Variants in CDKL4 observed in about 807,000 individuals in gnomAD.
The protein encoded by CDKL4 is cyclin-dependent kinase-like 4.
A neutral mutation model predicts 42.0 loss-of-function variants in CDKL4; 44 were observed. The observed-to-expected ratio is 1.05, with a 90% CI of 0.82 to 1.35. CDKL4 has a LOEUF of 1.35. Ranked by LOEUF, CDKL4 falls within the 40% of genes most tolerant of loss-of-function variation. The probability of loss-of-function intolerance (pLI) is 0.00; values close to 1 mark genes in which losing one functional copy is unlikely to be tolerated. For missense variants in CDKL4, 393 were observed against 369.9 expected (o/e 1.06, Z -0.51); for synonymous variants, 120 against 121.6 (o/e 0.99, Z 0.09).
At chr2:39,239,653 A>G (rs1409388576) in intron 1 of CDKL4, among the ~76,000 whole-genome samples, 1 of 152,260 alleles carries the variant, frequency 6.6e-6, no homozygotes, top group Non-Finnish European at 1.5e-5. Context: ...ATAAGATAGC[A>G]TTACATACAC....
At chr2:39,203,144 C>T (rs1430408107) in intron 5 of CDKL4, among the ~76,000 whole-genome samples, 6 of 151,862 alleles carry the variant, frequency 4.0e-5, no homozygotes, top group Non-Finnish European at 8.8e-5. Flanking sequence ...ATGTTTGCTA[C>T]AGGAAAACTC....
chr2:39,193,381 A>ATTC (rs1676312651), intron 5 of CDKL4, among the ~76,000 whole-genome samples: 2 of 149,626 alleles, frequency 1.3e-5, no homozygotes, highest in South Asian at 4.2e-4. Flanking sequence ...TATTATTATT[A>ATTC]TTATTGTTTT....
At chr2:39,173,812 CAAAAA>C (rs548800502), downstream of CDKL4, among the ~76,000 whole-genome samples, 4 of 95,292 alleles carry the variant, frequency 4.2e-5, no homozygotes, top group Non-Finnish European at 8.4e-5. Flanking sequence ...GACTCCATCT[CAAAAA>C]AAAAAAAAAA....
chr2:39,191,026 G>A (rs1055521618), intron 5 of CDKL4, among the ~76,000 whole-genome samples: 2 of 152,178 alleles, frequency 1.3e-5, no homozygotes, highest in Non-Finnish European at 2.9e-5. Context: ...CATGGAGAAT[G>A]CCAAGCGATA....
At chr2:39,179,112 T>A in intron 9 of CDKL4, 75 bp downstream of exon 9, 1 of 1,552,112 alleles carries the variant, frequency 6.4e-7, no homozygotes, top group Non-Finnish European at 8.6e-7. Context: ...CCACCTTGTC[T>A]CACTTTGAAA....
chr2:39,218,447 C>T (rs1678082787), intron 3 of CDKL4, among the ~76,000 whole-genome samples: 1 of 152,112 alleles, frequency 6.6e-6, no homozygotes, highest in Non-Finnish European at 1.5e-5. Flanking sequence ...TGCAGTGAGC[C>T]ATGTTCAGGC....
intron 1 of CDKL4, among the ~76,000 whole-genome samples, chr2:39,234,897 T>C (rs1453929252): frequency 6.6e-6 from 1 of 152,108 alleles, no homozygotes; most frequent in Admixed American, 6.6e-5. Context: ...AAAAATTTTT[T>C]TTTTTTTTTG....
At chr2:39,216,638 T>A (rs1394156209) in intron 3 of CDKL4, among the ~76,000 whole-genome samples, 1 of 152,060 alleles carries the variant, frequency 6.6e-6, no homozygotes, top group Non-Finnish European at 1.5e-5. Context: ...GGGAAATGGA[T>A]TTCAGTCCTT....
rs1371530301 is a variant in CDKL4 at position 39,190,402 on chromosome 2, C to T, written c.555G>A (p.Trp185Ter). The stretch of plus-strand genomic sequence containing the variant: ...GCTCTGCAAAAACACAACCAATAGC[C>T]CATATATCGACTGAAGAACCATACT... Residue 185 changes from tryptophan to a stop codon, truncating the protein, a stop_gained, in exon 6 of 10, where the codon TGG becomes TGA. Transcript: ENST00000451199. LOFTEE classifies it high-confidence loss of function. 1.2e-6 allele frequency: 2 copies of T among 1,614,006 alleles called. No individual in the cohort carries two copies. Among genetic ancestry groups the T allele is most frequent in the Non-Finnish European group, 1.7e-6 (2 of 1,179,996 alleles).
rs1181485240 is a variant in CDKL4 at position 39,185,191 on chromosome 2, CATATAT to C, written c.736-550_736-545del. Among the ~76,000 whole-genome samples, 4 of 76,354 alleles carry C rather than the reference CATATAT, an allele frequency of 5.2e-5. No individual in the cohort carries two copies. In the East Asian group the frequency reaches 1.4e-3, roughly 27 times the overall value. The allele number at this position is 76,354 out of a possible 152,430, so 50.1% of individuals were successfully genotyped here. On this transcript the variant is annotated intron_variant, in intron 7 of 9. Coordinates refer to ENST00000451199, the Ensembl canonical transcript of CDKL4. ...GTATATATATACATATGTGTATATACATATATATACACATACGTATATATACATATA... is the reference window on the plus strand; with the variant it reads ...GTATATATATACATATGTGTATATACATACACATACGTATATATACATATA...
chr2:39,184,321 C>T (rs930250328), intron 8 of CDKL4, among the ~76,000 whole-genome samples: 10 of 152,154 alleles, frequency 6.6e-5, no homozygotes, highest in Non-Finnish European at 1.3e-4. Flanking sequence ...CTTGGTTTGG[C>T]GTCTCTCTTG....
chr2:39,171,022 T>C (rs1428740114), downstream of CDKL4, among the ~76,000 whole-genome samples: 1 of 151,850 alleles, frequency 6.6e-6, no homozygotes, highest in Non-Finnish European at 1.5e-5. Context: ...GTGGATCACT[T>C]GAGGTGAGGA....
At chr2:39,173,912 G>T (rs1675068924), downstream of CDKL4, among the ~76,000 whole-genome samples, 1 of 151,998 alleles carries the variant, frequency 6.6e-6, no homozygotes, top group Admixed American at 6.6e-5. Flanking sequence ...GAGCCCAGGA[G>T]GTCGAGGGTG....
rs541682774 is a variant in CDKL4 at position 39,202,331 on chromosome 2, T to C, written c.454+2196A>G. Among the ~76,000 whole-genome samples the C allele has an allele frequency of 5.9e-5, 9 of 152,332 alleles. No homozygotes were observed. The South Asian group carries it at 1.0e-3, about 18-fold the overall frequency. ...ACACCACCTGTTCCCCAAAAACCTA[T>C]TGAAATAAAACAACAAAAAAGAAAT... On this transcript the variant is annotated intron_variant, in intron 5 of 9. Transcript: ENST00000451199.
intron 5 of CDKL4, among the ~76,000 whole-genome samples, chr2:39,192,539 A>AT (rs749845888): frequency 0.017 from 2,507 of 150,196 alleles, 74 homozygotes; most frequent in African/African-American, 0.055. Context: ...TTAAAAAAAA[A>AT]TTTTTTTTTT....
intron 1 of CDKL4, among the ~76,000 whole-genome samples, chr2:39,233,614 C>A (rs1679203724): frequency 6.6e-6 from 1 of 152,052 alleles, no homozygotes; most frequent in East Asian, 1.9e-4. Context: ...CAGTTACTAA[C>A]AGCCAAAACC....
intron 3 of CDKL4, among the ~76,000 whole-genome samples, chr2:39,223,563 TA>T (rs757834440): frequency 3.4e-5 from 5 of 148,978 alleles, no homozygotes; most frequent in Non-Finnish European, 7.4e-5. Flanking sequence ...TTCTTAGATG[TA>T]CTGGTCATTT....
chr2:39,169,877 C>T, the CDKL4 span, among the ~76,000 whole-genome samples: 253 of 152,192 alleles, frequency 1.7e-3, 6 homozygotes, highest in East Asian at 0.023. Flanking sequence ...CAGCTCACTG[C>T]AACCTCCGCC....
At chr2:39,233,879 GAT>G (rs35424282) in intron 1 of CDKL4, among the ~76,000 whole-genome samples, 112,899 of 136,732 alleles carry the variant, frequency 0.83, 47,249 homozygotes, top group Non-Finnish European at 0.91. Flanking sequence ...TATTTAAGAA[GAT>G]ATATATATAT....
Sources: allele counts gnomAD v4.1 joint callset (sites outside exome capture counted in the v4.1 genomes callset), GRCh38; gene constraint gnomAD v4.1.1; transcripts MANE v1.5; gene names NCBI Gene and HGNC (gene_info 2026-07-23, HGNC 2026-07-21).